The following TBL1XR1 variants were observed in gnomAD, a reference collection of about 807,000 sequenced individuals.
TBL1XR1 encodes TBL1X/Y related 1, also known as F-box-like/WD repeat-containing protein TBL1XR1.
In TBL1XR1, 5 loss-of-function variants were observed where a neutral mutation model predicts 66.9. The observed-to-expected ratio is 0.07, with a 90% CI of 0.04 to 0.16. TBL1XR1 has a LOEUF of 0.16. TBL1XR1 is among the 10% of genes least tolerant of loss of function. The pLI, the probability that TBL1XR1 is intolerant of heterozygous loss-of-function variation, is 1.00. For synonymous variants in TBL1XR1, 210 were observed against 206.0 expected, an observed-to-expected ratio of 1.02 and a Z score of -0.17; for missense variants, 238 against 623.2, an observed-to-expected ratio of 0.38 and a Z score of 6.58.
At chr3:177,118,989 G>C (rs921925711) in intron 1 of TBL1XR1, among the ~76,000 whole-genome samples, 6 of 151,900 alleles carry the variant, frequency 3.9e-5, no homozygotes, top group African/African-American at 1.5e-4. Context: ...TTTTGTTTTT[G>C]AGACGGAGTT....
At chr3:177,049,732 T>C (rs1040481943) in intron 7 of TBL1XR1, among the ~76,000 whole-genome samples, 5 of 152,062 alleles carry the variant, frequency 3.3e-5, no homozygotes, top group East Asian at 1.9e-4. Flanking sequence ...TTAAAGAAAA[T>C]GAAGTACAGA....
intron 4 of TBL1XR1, 117 bp downstream of exon 4, chr3:177,053,656 G>C: frequency 1.0e-6 from 1 of 989,760 alleles, no homozygotes; most frequent in Non-Finnish European, 1.5e-6. Context: ...TGAACTGCCT[G>C]CACTTTTGTT....
chr3:177,142,552 C>T (rs1014301120), intron 1 of TBL1XR1, among the ~76,000 whole-genome samples: 1 of 152,150 alleles, frequency 6.6e-6, no homozygotes, highest in African/African-American at 2.4e-5. Context: ...TCACCTGGTG[C>T]AAAGTCCAAG....
At position 177,022,061 on chromosome 3, in the gene TBL1XR1, T is replaced by G. The variant is rs1712448412; in HGVS notation, c.*3437A>C. 6.6e-6 allele frequency: 1 copy of G among 152,544 alleles called. No homozygotes were observed. Among genetic ancestry groups the G allele is most frequent in the Admixed American group, 6.6e-5 (1 of 15,258 alleles). The allele number at this position is 152,544 out of a possible 1,614,324, so 9.4% of individuals were successfully genotyped here. A position where few individuals can be genotyped will look rare whatever the true frequency, so the allele number is the denominator to read the frequency against. ...TTACTCTTAACAAAATCATTCTACA[T>G]AAACAGATAGCTCCTTAAAAATAGT... is the stretch of plus-strand genomic sequence containing the variant. On this transcript the variant is annotated 3_prime_UTR_variant, in exon 16 of 16. Transcript: ENST00000457928.
intron 1 of TBL1XR1, among the ~76,000 whole-genome samples, chr3:177,163,706 C>G (rs893510314): frequency 1.3e-5 from 2 of 151,922 alleles, no homozygotes; most frequent in Non-Finnish European, 1.5e-5. Flanking sequence ...AAACTGATGA[C>G]AGTGGTTAGC....
intron 3 of TBL1XR1, among the ~76,000 whole-genome samples, chr3:177,055,873 T>TA (rs1387126577): frequency 6.6e-6 from 1 of 152,192 alleles, no homozygotes; most frequent in African/African-American, 2.4e-5. Flanking sequence ...AGAGGGCCTA[T>TA]ACCATATGCT....
At chr3:177,040,248 G>A (rs1553811004) in intron 10 of TBL1XR1, among the ~76,000 whole-genome samples, 2 of 152,172 alleles carry the variant, frequency 1.3e-5, no homozygotes, top group Non-Finnish European at 2.9e-5. Context: ...TGGGGAGGCC[G>A]AGGCTGCAGT....
intron 1 of TBL1XR1, among the ~76,000 whole-genome samples, chr3:177,099,697 C>T (rs1723951547): frequency 2.0e-5 from 3 of 152,246 alleles, no homozygotes; most frequent in Admixed American, 6.5e-5. Flanking sequence ...TCCTTTCTAG[C>T]ACAGACTGAG....
intron 3 of TBL1XR1, among the ~76,000 whole-genome samples, chr3:177,061,130 A>T (rs1039370591): frequency 7.2e-5 from 11 of 152,154 alleles, no homozygotes; most frequent in Non-Finnish European, 1.5e-4. Context: ...ATTTTTCTTT[A>T]ATTAGTTTTG....
chr3:177,116,647 A>C (rs556453954), intron 1 of TBL1XR1, among the ~76,000 whole-genome samples: 1 of 152,168 alleles, frequency 6.6e-6, no homozygotes, highest in Non-Finnish European at 1.5e-5. Flanking sequence ...CTACAATAAT[A>C]CTGTTACTCT....
intron 1 of TBL1XR1, among the ~76,000 whole-genome samples, chr3:177,117,780 G>GGC (rs1299634606): frequency 2.6e-5 from 4 of 152,138 alleles, no homozygotes; most frequent in Admixed American, 2.6e-4. Flanking sequence ...CTATGCCACT[G>GGC]ATTGGGAGAA....
intron 1 of TBL1XR1, among the ~76,000 whole-genome samples, chr3:177,140,815 T>C (rs578023067): frequency 1.3e-5 from 2 of 152,296 alleles, no homozygotes; most frequent in South Asian, 4.1e-4. Context: ...AAAAAGGAGG[T>C]TCAAAATCAC....
chr3:177,026,229 G>A (rs959054100), intron 15 of TBL1XR1, 144 bp downstream of exon 15: 7 of 655,932 alleles, frequency 1.1e-5, no homozygotes, highest in Non-Finnish European at 1.8e-5. Flanking sequence ...CACATGAAAA[G>A]TTTACAGCCT....
At chr3:177,179,801 T>A (rs1202055629) in intron 1 of TBL1XR1, among the ~76,000 whole-genome samples, 1 of 152,044 alleles carries the variant, frequency 6.6e-6, no homozygotes, top group Non-Finnish European at 1.5e-5. Context: ...AACCGATATA[T>A]CTACTAGCAA....
At chr3:177,120,167 G>T (rs1457695440) in intron 1 of TBL1XR1, among the ~76,000 whole-genome samples, 1 of 152,022 alleles carries the variant, frequency 6.6e-6, no homozygotes, top group African/African-American at 2.4e-5. Context: ...TGATAGTATA[G>T]GTCTTTACCT....
intron 1 of TBL1XR1, 41 bp downstream of exon 1, chr3:177,197,080 C>G (rs1200862522): frequency 6.6e-6 from 1 of 152,174 alleles, no homozygotes; most frequent in Non-Finnish European, 1.5e-5. Context: ...CGCCCAGGCC[C>G]CCGGCCGCCC....
intron 1 of TBL1XR1, among the ~76,000 whole-genome samples, chr3:177,103,420 C>T (rs1302745031): frequency 1.3e-5 from 2 of 152,286 alleles, no homozygotes; most frequent in Non-Finnish European, 2.9e-5. Flanking sequence ...TATTTCAGAG[C>T]ATTTTATCTA....
chr3:177,191,837 C>T (rs1331907245), intron 1 of TBL1XR1, among the ~76,000 whole-genome samples: 1 of 152,178 alleles, frequency 6.6e-6, no homozygotes, highest in African/African-American at 2.4e-5. Flanking sequence ...GGCACGGTGG[C>T]TCATGCCTGT....
intron 2 of TBL1XR1, among the ~76,000 whole-genome samples, chr3:177,070,599 A>G (rs1719843034): frequency 6.6e-6 from 1 of 152,200 alleles, no homozygotes; most frequent in African/African-American, 2.4e-5. Context: ...CTGTAATCCT[A>G]GCACTTTGGG....
Sources: allele counts gnomAD v4.1 joint callset (sites outside exome capture counted in the v4.1 genomes callset), GRCh38; gene constraint gnomAD v4.1.1; transcripts MANE v1.5; gene names NCBI Gene and HGNC (gene_info 2026-07-23, HGNC 2026-07-21).